Variants in L1CAM observed in about 807,000 individuals in gnomAD.
The protein encoded by L1CAM is neural cell adhesion molecule L1.
In L1CAM, 8 loss-of-function variants were observed where a neutral mutation model predicts 93.0. The ratio of observed to expected loss-of-function variants is 0.09; its 90% CI spans 0.05 to 0.16. The LOEUF is 0.16. Ranked by LOEUF, L1CAM falls within the 10% of genes least tolerant of loss-of-function variation. The pLI is 1.00. For missense variants in L1CAM, 777 were observed against 1,073.4 expected, an observed-to-expected ratio of 0.72 and a Z score of 3.86; for synonymous variants, 453 against 453.0, an observed-to-expected ratio of 1.00 and a Z score of 0.00.
At chrX:153,872,519 T>C in intron 4 of L1CAM, 73 bp downstream of exon 4, 1 of 981,116 alleles carries the variant, frequency 1.0e-6, no homozygotes, top group South Asian at 1.9e-5. Flanking sequence ...GCTTAGAAGT[T>C]AGGCAGTCCA....
At chrX:153,863,042 G>T (rs1010499989) in intron 28 of L1CAM, 148 bp from the exon 29 acceptor site, 2 of 489,231 alleles carry the variant, frequency 4.1e-6, no homozygotes, top group Non-Finnish European at 6.9e-6. Context: ...AGGCAGGTCT[G>T]GAGCTGTCAT....
At chrX:153,879,210 T>G in intron 1 of L1CAM, among the ~76,000 whole-genome samples, 1 of 106,385 alleles carries the variant, frequency 9.4e-6, no homozygotes. Context: ...ACAGACAGAG[T>G]GAGAAGAGGC....
intron 1 of L1CAM, among the ~76,000 whole-genome samples, chrX:153,884,956 T>C: frequency 8.9e-6 from 1 of 112,566 alleles, no homozygotes; most frequent in Middle Eastern, 4.6e-3. Flanking sequence ...AGGGGCAGGG[T>C]ATCTACCTGG....
chrX:153,866,583 T>G, intron 19 of L1CAM, 66 bp downstream of exon 19: 1 of 811,578 alleles, frequency 1.2e-6, no homozygotes, highest in Non-Finnish European at 1.9e-6. Flanking sequence ...CTGAGAGGTG[T>G]GGACATGGGC....
intron 1 of L1CAM, among the ~76,000 whole-genome samples, chrX:153,879,576 G>C (rs1268151605): frequency 2.7e-5 from 3 of 112,400 alleles, no homozygotes; most frequent in Non-Finnish European, 5.6e-5. Context: ...CCTGGGAGCA[G>C]GGTAGAGAGA....
chrX:153,869,727 C>A, intron 10 of L1CAM, 64 bp from the exon 11 acceptor site: 1 of 1,201,973 alleles, frequency 8.3e-7, no homozygotes, highest in Non-Finnish European at 1.1e-6. Flanking sequence ...GAGGCCCTTC[C>A]TCACCCTCCT....
chrX:153,883,074 A>C (rs1557096032), intron 1 of L1CAM, among the ~76,000 whole-genome samples: 3 of 111,532 alleles, frequency 2.7e-5, no homozygotes, highest in Admixed American at 9.5e-5. Context: ...CCACTCAGAC[A>C]AGGCCCCCAT....
rs200088731 is a variant in L1CAM, at chrX:153,875,869, C to T, written c.-33G>A. Reference sequence around the variant, plus strand: ...GGCGGCACCGCGCAGCACAGCCAGCCGGGCTCGGTTCAGGCTCCGGCCGGA... The same window carrying T: ...GGCGGCACCGCGCAGCACAGCCAGCTGGGCTCGGTTCAGGCTCCGGCCGGA... On this transcript the variant is annotated 5_prime_UTR_variant, in exon 2 of 29. Coordinates refer to ENST00000370060, the MANE Select transcript of L1CAM (RefSeq NM_001278116.2). 618 of 1,031,403 alleles carry T rather than the reference C, an allele frequency of 6.0e-4. No individual in the cohort carries two copies. The highest frequency in any genetic ancestry group is 7.6e-4 in the Non-Finnish European group (600 of 785,763). 85.0% of individuals were successfully genotyped at this position (1,031,403 alleles called of 1,213,427 possible).
Position 153,868,778 on chromosome X carries a change from G to A in L1CAM, c.1380-51C>T, listed in dbSNP as rs374534940. On this transcript the variant is annotated intron_variant, in intron 12 of 28. Coordinates refer to ENST00000370060, the MANE Select transcript of L1CAM (RefSeq NM_001278116.2). Reference sequence around the variant, plus strand: ...TCTGACTGGCTGGCCTGGGCTCCCTGCCCTCCCTGGCTCCCTGGCCACTGG... The same window carrying A: ...TCTGACTGGCTGGCCTGGGCTCCCTACCCTCCCTGGCTCCCTGGCCACTGG... The A allele has an allele frequency of 5.0e-6, 6 of 1,201,856 alleles. No homozygotes were observed. The African/African-American group carries it at 1.0e-4, about 21-fold the overall frequency.
At chrX:153,866,172 G>C (rs1411032186) in intron 19 of L1CAM, among the ~76,000 whole-genome samples, 1 of 110,118 alleles carries the variant, frequency 9.1e-6, no homozygotes, top group Non-Finnish European at 1.9e-5. Flanking sequence ...AATTAGTTGG[G>C]TGTGGTGGCG....
Position 153,868,136 on chromosome X carries a change from G to A in L1CAM, c.1704-14C>T, listed in dbSNP as rs140240430. On this transcript the variant is annotated splice_polypyrimidine_tract_variant and intron_variant, in intron 14 of 28. Transcript: ENST00000370060. The stretch of plus-strand genomic sequence containing the variant: ...TCTATGAAGTACCTGCGGAGGAGCC[G>A]TGTCTGTCTTTCCTGCCATCTGGGC... 3,202 of 1,208,061 alleles carry A rather than the reference G, an allele frequency of 2.7e-3. 50 individuals carry two copies. The African/African-American group carries it at 0.047, about 18-fold the overall frequency.
At position 153,865,227 on chromosome X, in the gene L1CAM, C is replaced by T. The variant is rs1557090472; in HGVS notation, c.2750-17G>A. 2.5e-6 allele frequency: 3 copies of T among 1,209,369 alleles called. No homozygotes were observed. Among genetic ancestry groups the T allele is most frequent in the East Asian group, 3.0e-5 (1 of 33,810 alleles). On this transcript the variant is annotated splice_polypyrimidine_tract_variant and intron_variant, in intron 21 of 28. Coordinates refer to ENST00000370060, the MANE Select transcript of L1CAM (RefSeq NM_001278116.2). ...GGCCAGGCACTGCAGGGCACAGAAC[C>T]GAGTGGCAGGTAGGTCCTCGCCCAG...
rs1479231122 is a variant in L1CAM at position 153,868,053 on chromosome X, G to A, written c.1773C>T (p.Cys591=). 9 of 1,208,192 alleles carry A rather than the reference G, an allele frequency of 7.4e-6. No homozygotes were observed. Among genetic ancestry groups the A allele is most frequent in the South Asian group, 1.8e-5 (1 of 56,653 alleles). Residue 591 remains cysteine (C), a synonymous_variant, in exon 15 of 29, where the codon TGC becomes TGT. Coordinates refer to ENST00000370060, the MANE Select transcript of L1CAM (RefSeq NM_001278116.2). ...CCACATCCAGTTCGGTACTGGCCAC[G>A]CAGCTGTAGTTGCCCTGGTCGCTGT... ...LDYSDQGNYS[C]VASTELDVVE... is the part of the protein sequence containing the mutation.
chrX:153,868,149 C>T lies in L1CAM; in HGVS notation c.1704-27G>A, dbSNP rs782359060. ...TGCGGAGGAGCCGTGTCTGTCTTTC[C>T]TGCCATCTGGGCTCTTCTCCCCTCC... On this transcript the variant is annotated intron_variant, in intron 14 of 28. Coordinates refer to ENST00000370060, the MANE Select transcript of L1CAM (RefSeq NM_001278116.2). 2.5e-6 allele frequency: 3 copies of T among 1,207,928 alleles called. No individual in the cohort carries two copies. In the African/African-American group the frequency reaches 5.3e-5, roughly 21 times the overall value.
At chrX:153,884,194 A>G (rs2064864084) in intron 1 of L1CAM, 1 of 991,072 alleles carries the variant, frequency 1.0e-6, no homozygotes, top group African/African-American at 2.0e-5. Flanking sequence ...TGGGCAGCCC[A>G]GAGCCCGGCC....
At position 153,863,587 on chromosome X, in the gene L1CAM, C is replaced by T. The variant is rs202069300; in HGVS notation, c.3458-38G>A. ...AGAGGGACAGCTTCTTCTCCCGCCC[C>T]AGCCTGACCCGGGGCTCCAGGCCCC... On this transcript the variant is annotated intron_variant, in intron 26 of 28. Transcript: ENST00000370060. 5 of 1,141,852 alleles carry T rather than the reference C, an allele frequency of 4.4e-6. No homozygotes were observed. In the South Asian group the frequency reaches 9.2e-5, roughly 21 times the overall value. 94.1% of individuals were successfully genotyped at this position (1,141,852 alleles called of 1,213,427 possible).
At position 153,881,248 on chromosome X, in the gene L1CAM, GA is replaced by G. The variant is rs1467474794; in HGVS notation, c.-109+4816del. 6.2e-5 allele frequency among the ~76,000 whole-genome samples: 7 copies of G among 112,268 alleles called. No individual in the cohort carries two copies. The East Asian group carries it at 1.7e-3, about 27-fold the overall frequency. On this transcript the variant is annotated intron_variant, in intron 1 of 28. Transcript: ENST00000370060. ...TTACAGATGAGGACACGGAGGCTCA[GA>G]AAACTGGAAACTGTGTCCAAGATCA...
At chrX:153,885,486 A>G (rs1206225090) in intron 1 of L1CAM, 1 of 837,080 alleles carries the variant, frequency 1.2e-6, no homozygotes, top group African/African-American at 2.1e-5. Flanking sequence ...AAGGAGGAGA[A>G]CAAAGCCCCC....
chrX:153,875,817 T>C lies in L1CAM; in HGVS notation c.20A>G (p.Tyr7Cys), dbSNP rs2148502578. 1.7e-6 allele frequency: 2 copies of C among 1,209,282 alleles called. No individual in the cohort carries two copies. The highest frequency in any genetic ancestry group is 2.2e-6 in the Non-Finnish European group (2 of 895,032). ...GCTGCAGAGGAGGAGAGGCCACACG[T>C]ACCGCAGCGCCACGACCATCTTTCC... MVVALR[Y>C]VWPLLLCSPC... The change falls in exon 2 of 29, where the codon TAC becomes TGC. Residue 7 changes from tyrosine to cysteine, a missense_variant. Coordinates refer to ENST00000370060, the MANE Select transcript of L1CAM (RefSeq NM_001278116.2).
Sources: gnomAD v4.1 joint callset for allele counts (sites outside exome capture counted in the v4.1 genomes callset) on GRCh38, gnomAD v4.1.1 for gene constraint, MANE v1.5 for transcripts, NCBI Gene and HGNC (gene_info 2026-07-23, HGNC 2026-07-21) for gene names.